Variants in ABCC1 observed in about 807,000 individuals in gnomAD.
ABCC1 encodes ATP binding cassette subfamily C member 1 (ABCC1 blood group).
Under a neutral mutation model 172.9 loss-of-function variants are expected in ABCC1, and 83 were observed. The ratio of observed to expected loss-of-function variants is 0.48; its 90% CI spans 0.40 to 0.58. The LOEUF is 0.58. Among genes scored for constraint, ABCC1 ranks in the 20% least tolerant of loss-of-function variants. The pLI, the probability that ABCC1 is intolerant of heterozygous loss-of-function variation, is 0.00. For missense variants in ABCC1, 1,817 were observed against 2,002.7 expected (o/e 0.91, Z 1.77); for synonymous variants, 937 against 825.2 (o/e 1.14, Z -2.32).
intron 1 of ABCC1, among the ~76,000 whole-genome samples, chr16:15,964,391 G>A (rs1192079135): frequency 6.6e-6 from 1 of 152,122 alleles, no homozygotes; most frequent in East Asian, 1.9e-4. Flanking sequence ...CTTTGCTAAA[G>A]CATAGCAAGG....
At position 16,131,942 on chromosome 16, in the gene ABCC1, A is replaced by ACC. The variant is rs2045692868; in HGVS notation, c.3966+8_3966+9insCC. On this transcript the variant is annotated splice_region_variant and intron_variant, in intron 27 of 30. Coordinates refer to ENST00000399410, the MANE Select transcript of ABCC1 (RefSeq NM_004996.4). ...GATCAATGGGGGAGAAAAGGTGGGT[A>ACC]CACATCGCCCCATTCCCTCACCCAT... 2.5e-6 allele frequency: 4 copies of ACC among 1,613,000 alleles called. No homozygotes were observed. The highest frequency in any genetic ancestry group is 3.4e-6 in the Non-Finnish European group (4 of 1,179,392).
intron 8 of ABCC1, among the ~76,000 whole-genome samples, chr16:16,045,270 C>T (rs1351725055): frequency 6.6e-6 from 1 of 151,680 alleles, no homozygotes; most frequent in East Asian, 1.9e-4. Flanking sequence ...TGGTGGTGCA[C>T]GCCTGTAATC....
Position 16,111,714 on chromosome 16 carries a change from G to C in ABCC1, c.3079+132G>C, listed in dbSNP as rs971220640. 12 of 755,894 alleles carry C rather than the reference G, an allele frequency of 1.6e-5. No individual in the cohort carries two copies. The East Asian group carries it at 2.1e-4, about 14-fold the overall frequency. 46.8% of individuals were successfully genotyped at this position (755,894 alleles called of 1,614,324 possible). On this transcript the variant is annotated intron_variant, in intron 22 of 30. Coordinates refer to ENST00000399410, the MANE Select transcript of ABCC1 (RefSeq NM_004996.4). The stretch of plus-strand genomic sequence containing the variant: ...CCAAGCCAAACCCAGAAAAATGGTA[G>C]CTGTCAGCTAGTAGACACTCAGATA...
chr16:16,052,453 T>G (rs2151903786), intron 10 of ABCC1, among the ~76,000 whole-genome samples: 1 of 151,716 alleles, frequency 6.6e-6, no homozygotes, highest in Non-Finnish European at 1.5e-5. Flanking sequence ...ATTAGAATCC[T>G]GCAGTTGTAA....
chr16:16,069,647 AT>A (rs2050256959), intron 13 of ABCC1, among the ~76,000 whole-genome samples: 1 of 152,178 alleles, frequency 6.6e-6, no homozygotes, highest in African/African-American at 2.4e-5. Flanking sequence ...AAACAAAAAA[AT>A]CCATTTTATT....
chr16:16,057,282 C>G (rs890969642), intron 12 of ABCC1, among the ~76,000 whole-genome samples: 2 of 151,042 alleles, frequency 1.3e-5, no homozygotes, highest in African/African-American at 4.9e-5. Flanking sequence ...TCCCTTGAAC[C>G]TGGGAGGCTG....
intron 1 of ABCC1, among the ~76,000 whole-genome samples, chr16:15,988,361 G>A (rs2046787803): frequency 6.6e-6 from 1 of 152,108 alleles, no homozygotes. Context: ...GCCGGCCCTT[G>A]GTCCCTATTG....
chr16:16,017,308 G>C (rs1248389054), intron 5 of ABCC1, among the ~76,000 whole-genome samples: 1 of 152,008 alleles, frequency 6.6e-6, no homozygotes, highest in East Asian at 1.9e-4. Flanking sequence ...TCGGCTCACT[G>C]TAGTCTTGAC....
chr16:15,972,833 C>G (rs935591979), intron 1 of ABCC1, among the ~76,000 whole-genome samples: 1 of 116,774 alleles, frequency 8.6e-6, no homozygotes, highest in Non-Finnish European at 1.6e-5. Flanking sequence ...CTGGCTGGCT[C>G]TGTTGCCGAG....
intron 26 of ABCC1, among the ~76,000 whole-genome samples, chr16:16,129,490 T>C (rs12599429): frequency 0.58 from 88,224 of 151,308 alleles, 26,668 homozygotes; most frequent in Middle Eastern, 0.68. Context: ...CTCTACAAAA[T>C]AAAAAATAAT....
chr16:16,044,592 T>C lies in ABCC1; in HGVS notation c.952T>C (p.Tyr318His), dbSNP rs1205179526. Residue 318 changes from tyrosine (Y) to histidine (H), a missense_variant, in exon 8 of 31, where the codon TAC (tyrosine) becomes CAC (histidine). Transcript: ENST00000399410. ...GAACCCCTCTCTGTTTAAGGTGTTA[T>C]ACAAGACCTTTGGGCCCTACTTCCT... Reference protein sequence around the residue: ...EWNPSLFKVLYKTFGPYFLMS... With the variant: ...EWNPSLFKVLHKTFGPYFLMS... 6.2e-7 allele frequency: 1 copy of C among 1,614,090 alleles called. No homozygotes were observed. The highest frequency in any genetic ancestry group is 8.5e-7 in the Non-Finnish European group (1 of 1,180,050).
intron 23 of ABCC1, 90 bp downstream of exon 23, chr16:16,115,166 C>T (rs1236729973): frequency 3.0e-6 from 4 of 1,349,118 alleles, no homozygotes; most frequent in Non-Finnish European, 4.0e-6. Flanking sequence ...TTACCATGTC[C>T]CCAGTGTGGT....
chr16:15,950,204 C>T (rs991678444), intron 1 of ABCC1, among the ~76,000 whole-genome samples: 2 of 140,910 alleles, frequency 1.4e-5, no homozygotes, highest in East Asian at 2.2e-4. Flanking sequence ...GTTAGGGTCC[C>T]CCCTTTTCAC....
chr16:16,005,969 G>C (rs2047515377), intron 1 of ABCC1, among the ~76,000 whole-genome samples: 1 of 151,122 alleles, frequency 6.6e-6, no homozygotes, highest in African/African-American at 2.4e-5. Context: ...ATTCCAGTCT[G>C]GGTGACAAAG....
Position 16,101,734 on chromosome 16 carries a change from C to CGG in ABCC1, c.2645-891_2645-890dup, listed in dbSNP as rs2051760877. On this transcript the variant is annotated intron_variant, in intron 19 of 30. Transcript: ENST00000399410. ...TCATCATCACTGAGTTATTGTGAAC[C>CGG]GGGAAAGAGATATGATCTGTGTTGA... 2.6e-5 allele frequency among the ~76,000 whole-genome samples: 4 copies of CGG among 152,218 alleles called. No homozygotes were observed. The South Asian group carries it at 6.2e-4, about 24-fold the overall frequency.
intron 20 of ABCC1, among the ~76,000 whole-genome samples, chr16:16,103,591 A>C (rs1478498799): frequency 1.3e-5 from 2 of 152,090 alleles, no homozygotes; most frequent in African/African-American, 4.8e-5. Context: ...AAAAACAAAA[A>C]CAAAACAAAA....
intron 1 of ABCC1, among the ~76,000 whole-genome samples, chr16:15,951,797 C>T (rs911400198): frequency 2.0e-5 from 3 of 152,098 alleles, no homozygotes; most frequent in African/African-American, 7.2e-5. Context: ...TCAAGTGGTC[C>T]TCCTAACTCA....
intron 24 of ABCC1, among the ~76,000 whole-genome samples, chr16:16,122,483 A>G (rs942478980): frequency 8.6e-5 from 13 of 151,418 alleles, no homozygotes; most frequent in African/African-American, 2.9e-4. Context: ...CGACTCTGCT[A>G]TTGAGTATCT....
At chr16:16,061,182 C>T (rs2049894055) in intron 12 of ABCC1, among the ~76,000 whole-genome samples, 1 of 152,160 alleles carries the variant, frequency 6.6e-6, no homozygotes, top group Non-Finnish European at 1.5e-5. Flanking sequence ...ACCTCGGCCT[C>T]CTAAAGTGCT....
Sources: gnomAD v4.1 joint callset for allele counts (sites outside exome capture counted in the v4.1 genomes callset) on GRCh38, gnomAD v4.1.1 for gene constraint, MANE v1.5 for transcripts, NCBI Gene and HGNC (gene_info 2026-07-23, HGNC 2026-07-21) for gene names.